CELF1: variants seen among roughly 807,000 people sequenced by gnomAD.
The protein encoded by CELF1 is 50 kDa nuclear polyadenylated RNA-binding protein.
In CELF1, 10 loss-of-function variants were observed where a neutral mutation model predicts 61.8. The ratio of observed to expected loss-of-function variants is 0.16; its 90% confidence interval spans 0.10 to 0.27. The LOEUF (loss-of-function observed/expected upper bound fraction) is 0.27. CELF1 is among the 10% of genes least tolerant of loss of function. CELF1 has a pLI of 1.00. For synonymous variants in CELF1, 236 were observed against 225.1 expected, an observed-to-expected ratio of 1.05 and a Z score of -0.43; for missense variants, 380 against 639.1, an observed-to-expected ratio of 0.59 and a Z score of 4.37.
chr11:47,560,571 G>C (rs564250282), intron 2 of CELF1, among the ~76,000 whole-genome samples: 1 of 152,146 alleles, frequency 6.6e-6, no homozygotes, highest in African/African-American at 2.4e-5. Flanking sequence ...TGGTTGTCAG[G>C]GAATGAGGGA....
At chr11:47,482,128 G>A (rs1026400809) in intron 9 of CELF1, among the ~76,000 whole-genome samples, 7 of 152,138 alleles carry the variant, frequency 4.6e-5, no homozygotes, top group African/African-American at 1.4e-4. Flanking sequence ...ACTTGAACCC[G>A]AGGTGGAGGT....
At chr11:47,486,034 A>G (rs1441874225) in intron 6 of CELF1, among the ~76,000 whole-genome samples, 3 of 131,102 alleles carry the variant, frequency 2.3e-5, no homozygotes, top group African/African-American at 8.6e-5. Flanking sequence ...GGTGGCAGGC[A>G]CCTGTAGTCC....
At position 47,530,906 on chromosome 11, in the gene CELF1, A is replaced by AC. The variant is rs550536164; in HGVS notation, c.-154+22085_-154+22086insG. ...CGAGGTCAAGGCTACAGTGAGCCAC[A>AC]ATCATGCCATTGCACTCCAAGCCTG... is the stretch of plus-strand genomic sequence containing the variant. On this transcript the variant is annotated intron_variant, in intron 1 of 14. Coordinates refer to ENST00000687097, the MANE Select transcript of CELF1 (RefSeq NM_001376376.1). Among the ~76,000 whole-genome samples, 31 of 152,140 alleles carry AC rather than the reference A, an allele frequency of 2.0e-4. No individual in the cohort carries two copies. The East Asian group carries it at 6.0e-3, about 29-fold the overall frequency.
Position 47,538,642 on chromosome 11 carries a change from CA to C in CELF1, c.-154+14349del, listed in dbSNP as rs33969247. ...TGGGCAAAAGAGCAAGACTCCGTCT[CA>C]AAAAAAAAAAAAAAAAAAATCTCCA... On this transcript the variant is annotated intron_variant, in intron 1 of 14. Coordinates refer to ENST00000687097, the MANE Select transcript of CELF1 (RefSeq NM_001376376.1). Among the ~76,000 whole-genome samples, 817 of 108,544 alleles carry C rather than the reference CA, an allele frequency of 7.5e-3. 6 individuals carry two copies. The highest frequency in any genetic ancestry group is 0.033 in the African/African-American group (740 of 22,760). The allele number at this position is 108,544 out of a possible 152,430, so 71.2% of individuals were successfully genotyped here. A position where few individuals can be genotyped will look rare whatever the true frequency, so the allele number is the denominator to read the frequency against.
At chr11:47,562,760 A>C (rs1327685366) in intron 2 of CELF1, among the ~76,000 whole-genome samples, 1 of 151,340 alleles carries the variant, frequency 6.6e-6, no homozygotes, top group African/African-American at 2.4e-5. Context: ...GCTGAAGTGC[A>C]GTGGCGCGAT....
At chr11:47,502,509 CGT>C (rs951061666) in intron 1 of CELF1, among the ~76,000 whole-genome samples, 5 of 151,808 alleles carry the variant, frequency 3.3e-5, no homozygotes, top group Non-Finnish European at 7.4e-5. Context: ...CCCGTGTGTG[CGT>C]GTGTGTGTAT....
At chr11:47,519,640 G>A (rs2095766122) in intron 1 of CELF1, among the ~76,000 whole-genome samples, 1 of 152,118 alleles carries the variant, frequency 6.6e-6, no homozygotes, top group Non-Finnish European at 1.5e-5. Context: ...GGGAGGCCAA[G>A]GCGGGTGGAT....
At chr11:47,537,245 ATTTT>A (rs544458768) in intron 1 of CELF1, among the ~76,000 whole-genome samples, 1 of 134,086 alleles carries the variant, frequency 7.5e-6, no homozygotes, top group Non-Finnish European at 1.6e-5. Context: ...TACCATACAA[ATTTT>A]TTTTTTTTTT....
chr11:47,534,022 CTTTT>C (rs71042679), intron 1 of CELF1, among the ~76,000 whole-genome samples: 11 of 87,582 alleles, frequency 1.3e-4, no homozygotes, highest in Admixed American at 7.8e-4. Context: ...TTTTTCTTTC[CTTTT>C]TTTTTTTTTT....
At chr11:47,557,090 G>T (rs927574663), upstream of CELF1, among the ~76,000 whole-genome samples, 1 of 151,858 alleles carries the variant, frequency 6.6e-6, no homozygotes, top group East Asian at 1.9e-4. Context: ...AGTAGAGTCG[G>T]GGTTTCCCCA....
chr11:47,488,257 C>T (rs2088934826), intron 4 of CELF1, among the ~76,000 whole-genome samples: 1 of 152,164 alleles, frequency 6.6e-6, no homozygotes, highest in Non-Finnish European at 1.5e-5. Flanking sequence ...GTGAAACTTC[C>T]ACTCTGCTAG....
chr11:47,480,575 C>A (rs1209458702), intron 9 of CELF1, among the ~76,000 whole-genome samples: 1 of 152,132 alleles, frequency 6.6e-6, no homozygotes, highest in Non-Finnish European at 1.5e-5. Flanking sequence ...GCAATGACAA[C>A]AAAAAGGTTA....
intron 1 of CELF1, among the ~76,000 whole-genome samples, chr11:47,533,645 T>TACATACAC (rs1450278277): frequency 6.7e-6 from 1 of 150,162 alleles, no homozygotes; most frequent in African/African-American, 2.5e-5. Flanking sequence ...AATACATACA[T>TACATACAC]ACATACATAC....
intron 7 of CELF1, 127 bp downstream of exon 7, chr11:47,484,262 T>A: frequency 1.1e-6 from 1 of 949,790 alleles, no homozygotes. Flanking sequence ...CTGCAGTGAG[T>A]TGTGAAGGCA....
chr11:47,558,688 T>G (rs1165228027), intron 2 of CELF1, among the ~76,000 whole-genome samples: 9 of 110,678 alleles, frequency 8.1e-5, no homozygotes, highest in East Asian at 4.5e-4. Context: ...TAATATATTA[T>G]ATATAATATA....
chr11:47,510,292 T>C (rs905900499), intron 1 of CELF1, among the ~76,000 whole-genome samples: 4 of 152,238 alleles, frequency 2.6e-5, no homozygotes, highest in Non-Finnish European at 4.4e-5. Flanking sequence ...TGTTTTCTAC[T>C]GGCCTATACA....
intron 1 of CELF1, among the ~76,000 whole-genome samples, chr11:47,530,150 CAT>C (rs1491094541): frequency 2.0e-5 from 3 of 152,258 alleles, no homozygotes; most frequent in Middle Eastern, 3.4e-3. Flanking sequence ...CAAAATGTGA[CAT>C]ATGTGCAATG....
At chr11:47,479,918 GA>G (rs1565760493) in intron 9 of CELF1, among the ~76,000 whole-genome samples, 2 of 151,940 alleles carry the variant, frequency 1.3e-5, no homozygotes, top group Admixed American at 1.3e-4. Context: ...CAGAATGGGG[GA>G]AAAAATGCAC....
chr11:47,491,432 T>G (rs1278593977), intron 3 of CELF1, among the ~76,000 whole-genome samples: 1 of 152,250 alleles, frequency 6.6e-6, no homozygotes, highest in African/African-American at 2.4e-5. Flanking sequence ...GTGCTGGGAT[T>G]ACAGGCCTGA....
Sources: allele counts gnomAD v4.1 joint callset (sites outside exome capture counted in the v4.1 genomes callset), GRCh38; gene constraint gnomAD v4.1.1; transcripts MANE v1.5; gene names NCBI Gene and HGNC (gene_info 2026-07-23, HGNC 2026-07-21).